The following GALNT10 variants were observed in gnomAD, a reference collection of about 807,000 sequenced individuals.
GALNT10 encodes GalNAc transferase 10.
Under a neutral mutation model 75.0 loss-of-function variants are expected in GALNT10, and 41 were observed. That is an observed-to-expected ratio of 0.55 (90% CI 0.43 to 0.71). The LOEUF is 0.71. GALNT10 is among the 30% of genes least tolerant of loss of function. The pLI is 0.00. For missense variants in GALNT10, 727 were observed against 818.5 expected (o/e 0.89, Z 1.36); for synonymous variants, 302 against 313.0 (o/e 0.96, Z 0.37).
chr5:154,206,783 T>A (rs1775117566), intron 1 of GALNT10, among the ~76,000 whole-genome samples: 1 of 152,228 alleles, frequency 6.6e-6, no homozygotes, highest in Non-Finnish European at 1.5e-5. Context: ...GGGTCCCTGA[T>A]TGCTAGGCCA....
intron 1 of GALNT10, among the ~76,000 whole-genome samples, chr5:154,289,079 T>C (rs11954189): frequency 0.11 from 17,016 of 152,230 alleles, 1,116 homozygotes; most frequent in African/African-American, 0.19. Context: ...ATTAGTTTCC[T>C]GTTCGCTCTC....
intron 8 of GALNT10, 30 bp downstream of exon 8, chr5:154,404,241 A>G: frequency 7.0e-7 from 1 of 1,435,360 alleles, no homozygotes; most frequent in Non-Finnish European, 9.6e-7. Context: ...TGGCGGGTAG[A>G]AGGGGTTGGC....
chr5:154,294,321 G>C (rs570031035), intron 1 of GALNT10, among the ~76,000 whole-genome samples: 25 of 152,290 alleles, frequency 1.6e-4, no homozygotes, highest in African/African-American at 5.5e-4. Flanking sequence ...CCAACAGAGT[G>C]AGACCTTGTC....
intron 4 of GALNT10, among the ~76,000 whole-genome samples, chr5:154,345,947 ATTTT>A (rs70978537): frequency 5.2e-4 from 34 of 65,428 alleles, no homozygotes; most frequent in African/African-American, 2.0e-3. Flanking sequence ...CACCCGCCTA[ATTTT>A]TTTTTTTTTT....
intron 1 of GALNT10, among the ~76,000 whole-genome samples, chr5:154,261,704 G>C (rs1172563490): frequency 6.6e-6 from 1 of 152,090 alleles, no homozygotes; most frequent in Non-Finnish European, 1.5e-5. Flanking sequence ...CCCCACACAT[G>C]GACTCCCTGT....
intron 1 of GALNT10, among the ~76,000 whole-genome samples, chr5:154,239,683 G>A (rs906640320): frequency 6.6e-6 from 1 of 152,164 alleles, no homozygotes; most frequent in Non-Finnish European, 1.5e-5. Context: ...TTATTGGCTA[G>A]TGCTGGGGTT....
At chr5:154,303,694 T>G (rs1754391876) in intron 3 of GALNT10, among the ~76,000 whole-genome samples, 1 of 152,184 alleles carries the variant, frequency 6.6e-6, no homozygotes, top group Admixed American at 6.5e-5. Flanking sequence ...AAAAATATCA[T>G]AAATTATTAC....
Position 154,190,889 on chromosome 5 carries a change from T to G in GALNT10, c.23T>G (p.Leu8Arg). 3 of 1,445,090 alleles carry G rather than the reference T, an allele frequency of 2.1e-6. No homozygotes were observed. The highest frequency in any genetic ancestry group is 1.8e-6 in the Non-Finnish European group (2 of 1,093,962). The allele number at this position is 1,445,090 out of a possible 1,614,324, so 89.5% of individuals were successfully genotyped here. A position where few individuals can be genotyped will look rare whatever the true frequency, so the allele number is the denominator to read the frequency against. Residue 8 changes from leucine to arginine, a missense_variant, in exon 1 of 12, where the codon CTC (leucine) becomes CGC (arginine). Physicochemically the swap from Leu to Arg is moderately radical, Grantham distance 102. Coordinates refer to ENST00000297107, the MANE Select transcript of GALNT10 (RefSeq NM_198321.4). ...CCGATGAGGCGGAAGGAGAAGCGGC[T>G]CCTGCAGGCGGTGGCGCTGGTGCTG... MRRKEKRLLQAVALVLAA... is the reference protein window; with the variant it reads MRRKEKRRLQAVALVLAA...
intron 1 of GALNT10, among the ~76,000 whole-genome samples, chr5:154,217,676 G>C (rs1752895504): frequency 6.6e-6 from 1 of 152,204 alleles, no homozygotes; most frequent in South Asian, 2.1e-4. Flanking sequence ...ACCAAAACAA[G>C]TGTGGTGAGG....
At chr5:154,339,249 AC>A (rs1417528931) in intron 4 of GALNT10, among the ~76,000 whole-genome samples, 12 of 152,200 alleles carry the variant, frequency 7.9e-5, no homozygotes, top group Admixed American at 1.3e-4. Context: ...TAAGAATCCC[AC>A]ATCTCAAGTA....
At position 154,409,537 on chromosome 5, in the gene GALNT10, A is replaced by G. The variant is rs920710202; in HGVS notation, c.1165-4A>G. The stretch of plus-strand genomic sequence containing the variant: ...TGACCCCTCCATTGCTTCTTGCCCC[A>G]TAGAACCTTAAGCGGGTGGCCGAAG... On this transcript the variant is annotated splice_region_variant and splice_polypyrimidine_tract_variant and intron_variant, in intron 8 of 11. Coordinates refer to ENST00000297107, the MANE Select transcript of GALNT10 (RefSeq NM_198321.4). The surrounding 1 kb of genome is among the most constrained non-coding windows in gnomAD (Gnocchi z 4.5). 5 of 1,605,948 alleles carry G rather than the reference A, an allele frequency of 3.1e-6. No homozygotes were observed. Among genetic ancestry groups the G allele is most frequent in the Non-Finnish European group, 4.3e-6 (5 of 1,172,492 alleles).
chr5:154,299,052 A>G (rs755057847), intron 3 of GALNT10, among the ~76,000 whole-genome samples: 2 of 152,254 alleles, frequency 1.3e-5, no homozygotes, highest in South Asian at 2.1e-4. Flanking sequence ...AGTTTTGCTC[A>G]GGGACTAACA....
In GALNT10 at chr5:154,191,031, T is replaced by G; in HGVS notation, c.159+6T>G. 7.1e-7 allele frequency: 1 copy of G among 1,415,798 alleles called. No homozygotes were observed. The highest frequency in any genetic ancestry group is 9.3e-7 in the Non-Finnish European group (1 of 1,076,210). 87.7% of individuals were successfully genotyped at this position (1,415,798 alleles called of 1,614,324 possible). ...TGGCGCCGGCGGCGGGACAGGTGAG[T>G]CCCCCCGTTGCTACAGGCCGGGAAC... On this transcript the variant is annotated splice_donor_region_variant and intron_variant, in intron 1 of 11. Coordinates refer to ENST00000297107, the MANE Select transcript of GALNT10 (RefSeq NM_198321.4).
chr5:154,259,229 A>G (rs1410390467), intron 1 of GALNT10, among the ~76,000 whole-genome samples: 1 of 152,036 alleles, frequency 6.6e-6, no homozygotes, highest in Non-Finnish European at 1.5e-5. Context: ...TGACGTTGGC[A>G]CTTTGGAAAA....
At chr5:154,344,795 C>T (rs1755095093) in intron 4 of GALNT10, among the ~76,000 whole-genome samples, 1 of 152,160 alleles carries the variant, frequency 6.6e-6, no homozygotes, top group Non-Finnish European at 1.5e-5. Flanking sequence ...GCACTGTTTT[C>T]AGGAATCTTC....
At chr5:154,326,684 G>C (rs1204257799) in intron 3 of GALNT10, among the ~76,000 whole-genome samples, 1 of 152,178 alleles carries the variant, frequency 6.6e-6, no homozygotes, top group African/African-American at 2.4e-5. Flanking sequence ...AAATGTCCAG[G>C]TTAGGAAAAT....
At chr5:154,211,699 A>G (rs1054560643) in intron 1 of GALNT10, among the ~76,000 whole-genome samples, 1 of 152,220 alleles carries the variant, frequency 6.6e-6, no homozygotes, top group African/African-American at 2.4e-5. Context: ...CCAGTCCTGC[A>G]GGCATCTAAA....
intron 3 of GALNT10, among the ~76,000 whole-genome samples, chr5:154,307,331 C>T (rs1275427675): frequency 2.6e-5 from 4 of 152,066 alleles, no homozygotes; most frequent in Non-Finnish European, 5.9e-5. Context: ...TAATTCTGGC[C>T]GGGTGTGGTG....
chr5:154,361,788 T>C (rs1472918633), intron 4 of GALNT10, among the ~76,000 whole-genome samples: 1 of 152,212 alleles, frequency 6.6e-6, no homozygotes, highest in Non-Finnish European at 1.5e-5. Context: ...TGAGCACCTA[T>C]TAATATGACT....
Sources: gnomAD v4.1 joint callset for allele counts (sites outside exome capture counted in the v4.1 genomes callset) on GRCh38, gnomAD v4.1.1 for gene constraint, Gnocchi (gnomAD v3.1) non-coding constraint, MANE v1.5 for transcripts, NCBI Gene and HGNC (gene_info 2026-07-23, HGNC 2026-07-21) for gene names.